EXOC4: variants seen among roughly 807,000 people sequenced by gnomAD.
The protein encoded by EXOC4 is SEC8-like 1.
In EXOC4, 71 loss-of-function variants were observed where a neutral mutation model predicts 107.2. The ratio of observed to expected loss-of-function variants is 0.66; its 90% confidence interval spans 0.55 to 0.81. EXOC4 has a LOEUF of 0.81. Among genes scored for constraint, EXOC4 ranks in the 30% least tolerant of loss-of-function variants. The probability of loss-of-function intolerance (pLI) is 0.00; values close to 1 mark genes in which losing one functional copy is unlikely to be tolerated. For missense variants in EXOC4, 1,108 were observed against 1,189.6 expected (o/e 0.93, Z 1.01); for synonymous variants, 456 against 441.2 (o/e 1.03, Z -0.42).
At chr7:133,570,071 G>A (rs569175819) in intron 9 of EXOC4, among the ~76,000 whole-genome samples, 1 of 152,342 alleles carries the variant, frequency 6.6e-6, no homozygotes, top group African/African-American at 2.4e-5. Context: ...AGGAGAGGCT[G>A]CTGTGGATTA....
intron 7 of EXOC4, among the ~76,000 whole-genome samples, chr7:133,453,730 C>A (rs578162154): frequency 6.6e-6 from 1 of 152,022 alleles, no homozygotes; most frequent in East Asian, 1.9e-4. Context: ...CTAAAGTTAT[C>A]GTCTCTTGGT....
chr7:133,553,350 A>G (rs1800628688), intron 9 of EXOC4, among the ~76,000 whole-genome samples: 1 of 152,134 alleles, frequency 6.6e-6, no homozygotes, highest in Non-Finnish European at 1.5e-5. Flanking sequence ...TTGCTTTTAT[A>G]GGATGTGTTG....
At chr7:133,763,344 C>A (rs116650611) in intron 10 of EXOC4, among the ~76,000 whole-genome samples, 194 of 152,224 alleles carry the variant, frequency 1.3e-3, no homozygotes, top group African/African-American at 4.4e-3. Context: ...GTCTGTATCC[C>A]TTTCACCTAG....
chr7:133,468,813 A>AT (rs764055947), intron 7 of EXOC4, among the ~76,000 whole-genome samples: 24 of 151,590 alleles, frequency 1.6e-4, no homozygotes, highest in Admixed American at 2.6e-4. Context: ...ATTTTTTAGT[A>AT]TTTTTTTTGG....
chr7:133,686,665 C>T (rs1312467187), intron 10 of EXOC4, among the ~76,000 whole-genome samples: 4 of 151,908 alleles, frequency 2.6e-5, no homozygotes, highest in East Asian at 1.9e-4. Context: ...AACCACAATG[C>T]GATACCACCT....
At chr7:134,097,616 C>T in the EXOC4 span, among the ~76,000 whole-genome samples, 1 of 152,194 alleles carries the variant, frequency 6.6e-6, no homozygotes, top group East Asian at 1.9e-4. Flanking sequence ...GTCTGGGTGA[C>T]CCAAAACAAA....
At chr7:133,597,588 A>AG (rs1554476930) in intron 9 of EXOC4, among the ~76,000 whole-genome samples, 50 of 144,014 alleles carry the variant, frequency 3.5e-4, no homozygotes, top group Non-Finnish European at 5.2e-4. Context: ...CAAAAAAAAA[A>AG]CCCCGAATCC....
chr7:133,661,101 T>C (rs1236621541), intron 10 of EXOC4, among the ~76,000 whole-genome samples: 1 of 152,118 alleles, frequency 6.6e-6, no homozygotes, highest in Non-Finnish European at 1.5e-5. Context: ...AGGCAGGGCA[T>C]TTTCATGATG....
In EXOC4 at chr7:133,613,408, A is replaced by G. The variant is rs1163484354; in HGVS notation, c.1418-16637A>G. 7.4e-4 allele frequency among the ~76,000 whole-genome samples: 113 copies of G among 152,266 alleles called. 2 individuals carry two copies. The highest frequency in any genetic ancestry group is 7.4e-3 in the Admixed American group (113 of 15,278). ...TTGCTTAAACTGCTGTGTGATACTA[A>G]TCATCTCCCTGTGAGCAGTCCATCT... On this transcript the variant is annotated intron_variant, in intron 9 of 17. Coordinates refer to ENST00000253861, the MANE Select transcript of EXOC4 (RefSeq NM_021807.4).
At chr7:133,379,970 G>A (rs991454323) in intron 7 of EXOC4, among the ~76,000 whole-genome samples, 5 of 151,726 alleles carry the variant, frequency 3.3e-5, no homozygotes, top group East Asian at 1.9e-4. Context: ...TGAGTTATAC[G>A]TTTCATACAT....
In EXOC4 at chr7:133,275,128, G is replaced by A. The variant is rs1183477326; in HGVS notation, c.233G>A (p.Ser78Asn). The change falls in exon 2 of 18, where the codon AGC becomes AAC. Residue 78 changes from serine (S) to asparagine (N), a missense_variant. Coordinates refer to ENST00000253861, the MANE Select transcript of EXOC4 (RefSeq NM_021807.4). ...ACGACAGCCATTCGCACATACCAGA[G>A]CATCACAGAGCGCATCACTAACTCC... is the stretch of plus-strand genomic sequence containing the variant. ...ELTTAIRTYQ[S>N]ITERITNSRN... The A allele has an allele frequency of 1.8e-5, 29 of 1,608,436 alleles. No individual in the cohort carries two copies. Among genetic ancestry groups the A allele is most frequent in the Non-Finnish European group, 2.2e-5 (26 of 1,177,572 alleles).
chr7:133,331,113 A>G (rs189875985), intron 5 of EXOC4, among the ~76,000 whole-genome samples: 54 of 152,324 alleles, frequency 3.5e-4, no homozygotes, highest in Non-Finnish European at 6.6e-4. Flanking sequence ...TACTTATAAA[A>G]TGCAAAGTCA....
chr7:133,445,735 T>C (rs1428815569), intron 7 of EXOC4, among the ~76,000 whole-genome samples: 1 of 152,084 alleles, frequency 6.6e-6, no homozygotes, highest in African/African-American at 2.4e-5. Flanking sequence ...AGCTGCGTTA[T>C]CTGGTGTGTT....
the EXOC4 span, among the ~76,000 whole-genome samples, chr7:134,082,602 A>G: frequency 1.2e-4 from 19 of 152,036 alleles, 1 homozygote; most frequent in East Asian, 3.5e-3. Flanking sequence ...CACCACACCC[A>G]CCTAATTTTT....
intron 10 of EXOC4, among the ~76,000 whole-genome samples, chr7:133,747,412 T>C (rs1585118906): frequency 6.6e-6 from 1 of 152,130 alleles, no homozygotes; most frequent in Non-Finnish European, 1.5e-5. Context: ...ATGGCAGTGG[T>C]AGTACTGTTG....
intron 10 of EXOC4, among the ~76,000 whole-genome samples, chr7:133,770,010 A>G (rs1391674554): frequency 6.6e-6 from 1 of 151,934 alleles, no homozygotes; most frequent in Non-Finnish European, 1.5e-5. Flanking sequence ...GTATTAGGAA[A>G]GAGTAGATCA....
chr7:133,824,228 C>T (rs546929228), intron 11 of EXOC4, among the ~76,000 whole-genome samples: 1 of 151,874 alleles, frequency 6.6e-6, no homozygotes, highest in Non-Finnish European at 1.5e-5. Context: ...CCCGGGTCAC[C>T]TGTGAGCAGG....
At chr7:133,334,570 T>C (rs1473337366) in intron 5 of EXOC4, among the ~76,000 whole-genome samples, 1 of 152,136 alleles carries the variant, frequency 6.6e-6, no homozygotes, top group Non-Finnish European at 1.5e-5. Flanking sequence ...TTTTTTATAC[T>C]CTAAGTTCAG....
chr7:133,693,959 A>T (rs1464837766), intron 10 of EXOC4, among the ~76,000 whole-genome samples: 1 of 152,112 alleles, frequency 6.6e-6, no homozygotes, highest in Non-Finnish European at 1.5e-5. Context: ...CTGGATGAAC[A>T]TCTCTTAAGA....
Sources: allele counts gnomAD v4.1 joint callset (sites outside exome capture counted in the v4.1 genomes callset), GRCh38; gene constraint gnomAD v4.1.1; transcripts MANE v1.5; gene names NCBI Gene and HGNC (gene_info 2026-07-23, HGNC 2026-07-21).